Variants in FHIT observed in about 807,000 individuals in gnomAD.
The protein encoded by FHIT is bis(5'-adenosyl)-triphosphatase.
FHIT carries 19 observed loss-of-function variants against 17.9 expected under a neutral mutation model. The observed-to-expected ratio is 1.06, with a 90% confidence interval of 0.74 to 1.56. The LOEUF is 1.56. Among genes scored for constraint, FHIT ranks in the 40% most tolerant of loss-of-function variants. FHIT has a pLI of 0.00. For synonymous variants in FHIT, 81 were observed against 69.7 expected (o/e 1.16, Z -0.81); for missense variants, 248 against 189.2 (o/e 1.31, Z -1.82).
intron 4 of FHIT, among the ~76,000 whole-genome samples, chr3:60,607,436 T>A (rs1022533882): frequency 6.6e-6 from 1 of 151,612 alleles, no homozygotes; most frequent in African/African-American, 2.4e-5. Flanking sequence ...GGATTTATAT[T>A]TCTATCTAGT....
At chr3:59,812,671 C>T (rs1215210859) in intron 8 of FHIT, among the ~76,000 whole-genome samples, 1 of 152,182 alleles carries the variant, frequency 6.6e-6, no homozygotes, top group Non-Finnish European at 1.5e-5. Flanking sequence ...CTTTCCTGTA[C>T]ACTCGACAGG....
intron 2 of FHIT, among the ~76,000 whole-genome samples, chr3:61,163,069 T>C (rs2107102658): frequency 6.6e-6 from 1 of 152,320 alleles, no homozygotes; most frequent in East Asian, 1.9e-4. Flanking sequence ...ACTTCACTTG[T>C]AGGACTGTGC....
At chr3:60,890,051 T>A (rs1262489016) in intron 3 of FHIT, among the ~76,000 whole-genome samples, 8 of 152,084 alleles carry the variant, frequency 5.3e-5, no homozygotes, top group Non-Finnish European at 1.0e-4. Flanking sequence ...GCTTAATACA[T>A]CAGTAAAACT....
chr3:60,308,062 C>T (rs1708764825), intron 5 of FHIT, among the ~76,000 whole-genome samples: 3 of 152,104 alleles, frequency 2.0e-5, no homozygotes, highest in Admixed American at 6.5e-5. Flanking sequence ...AGGAAAACAA[C>T]GGACAGTAAT....
intron 4 of FHIT, among the ~76,000 whole-genome samples, chr3:60,559,964 A>G (rs561170214): frequency 6.6e-6 from 1 of 152,276 alleles, no homozygotes; most frequent in South Asian, 2.1e-4. Flanking sequence ...CTGTTGGGGA[A>G]AGGCCAGAGC....
chr3:60,012,174 C>T (rs1367313039), intron 6 of FHIT, among the ~76,000 whole-genome samples: 1 of 151,574 alleles, frequency 6.6e-6, no homozygotes, highest in Admixed American at 6.6e-5. Context: ...GATTTTCAAA[C>T]TTAGAGTCAC....
At position 60,962,788 on chromosome 3, in the gene FHIT, C is replaced by T. The variant is rs894829690; in HGVS notation, c.-111+79259G>A. Reference sequence around the variant, plus strand: ...ATCCCAGGGATGAAGCCAACTTGATCGTGGTGGATAAGCTTTTTGATGTCC... The same window carrying T: ...ATCCCAGGGATGAAGCCAACTTGATTGTGGTGGATAAGCTTTTTGATGTCC... On this transcript the variant is annotated intron_variant, in intron 3 of 9. Coordinates refer to ENST00000492590, the MANE Select transcript of FHIT (RefSeq NM_002012.4). Among the ~76,000 whole-genome samples, 6 of 152,098 alleles carry T rather than the reference C, an allele frequency of 3.9e-5. 1 individual carries two copies. Among genetic ancestry groups the T allele is most frequent in the South Asian group, 4.1e-4 (2 of 4,830 alleles).
intron 4 of FHIT, among the ~76,000 whole-genome samples, chr3:60,554,099 GA>G (rs1002533800): frequency 4.0e-5 from 6 of 150,788 alleles, no homozygotes; most frequent in African/African-American, 1.5e-4. Context: ...CTCAAAAAAA[GA>G]AAAAAAACGT....
intron 3 of FHIT, among the ~76,000 whole-genome samples, chr3:61,024,804 A>G (rs2032646980): frequency 6.6e-6 from 1 of 152,188 alleles, no homozygotes; most frequent in South Asian, 2.1e-4. Context: ...AAAATATGCT[A>G]AACATTGCTT....
At chr3:59,903,114 T>C (rs1184492135) in intron 8 of FHIT, among the ~76,000 whole-genome samples, 5 of 152,096 alleles carry the variant, frequency 3.3e-5, no homozygotes, top group Admixed American at 6.6e-5. Flanking sequence ...AAAAAAGAAA[T>C]GAAGTGCGGA....
intron 4 of FHIT, among the ~76,000 whole-genome samples, chr3:60,740,273 C>T (rs1395844775): frequency 2.6e-5 from 4 of 152,180 alleles, no homozygotes; most frequent in Non-Finnish European, 5.9e-5. Context: ...TGGAATGAAA[C>T]TGCCTGGTTT....
In FHIT at chr3:60,880,560, C is replaced by T. The variant is rs181550535; in HGVS notation, c.-110-58549G>A. ...CCAGCCTGACTAACATGGAGAAATC[C>T]TGTCTCTACTCAACACACAAAATTA... On this transcript the variant is annotated intron_variant, in intron 3 of 9. Transcript: ENST00000492590. Among the ~76,000 whole-genome samples the T allele has an allele frequency of 2.6e-5, 4 of 152,294 alleles. No individual in the cohort carries two copies. In the East Asian group the frequency reaches 7.7e-4, roughly 29 times the overall value.
intron 5 of FHIT, among the ~76,000 whole-genome samples, chr3:60,303,009 T>C (rs571643557): frequency 2.6e-5 from 4 of 152,288 alleles, no homozygotes; most frequent in African/African-American, 9.6e-5. Flanking sequence ...TGAAAAACCT[T>C]TAATATTTTT....
intron 8 of FHIT, among the ~76,000 whole-genome samples, chr3:59,772,061 C>T (rs1575468713): frequency 6.6e-6 from 1 of 152,200 alleles, no homozygotes; most frequent in East Asian, 1.9e-4. Flanking sequence ...CAACCTTGAC[C>T]AGGACAGTCC....
chr3:61,064,064 C>T (rs955923472), intron 2 of FHIT, among the ~76,000 whole-genome samples: 19 of 152,246 alleles, frequency 1.2e-4, no homozygotes, highest in African/African-American at 4.1e-4. Flanking sequence ...TTACTCTCAG[C>T]ATAAGAGGCT....
intron 8 of FHIT, among the ~76,000 whole-genome samples, chr3:59,825,814 G>C (rs943988879): frequency 5.9e-5 from 9 of 152,146 alleles, no homozygotes; most frequent in Non-Finnish European, 1.3e-4. Context: ...AGCTTTGAAG[G>C]ACAGGCCATC....
chr3:60,292,763 A>G (rs1708044386), intron 5 of FHIT, among the ~76,000 whole-genome samples: 2 of 152,188 alleles, frequency 1.3e-5, no homozygotes, highest in South Asian at 4.1e-4. Flanking sequence ...AAAGCTTTCT[A>G]TGAAGAAAAA....
chr3:60,494,034 C>T lies in FHIT; in HGVS notation c.103+42826G>A, dbSNP rs138195965. On this transcript the variant is annotated intron_variant, in intron 5 of 9. Transcript: ENST00000492590. ...TGTCCATTAATAAATGACATATACT[C>T]AAATACATAAAGTTGTAATAACATT... 2.6e-3 allele frequency among the ~76,000 whole-genome samples: 397 copies of T among 152,268 alleles called. 1 individual carries two copies. The highest frequency in any genetic ancestry group is 9.3e-3 in the African/African-American group (388 of 41,574).
At chr3:59,751,232 TTCTC>T (rs10577548) in intron 9 of FHIT, 86,709 of 176,118 alleles carry the variant, frequency 0.49, 22,093 homozygotes, top group East Asian at 0.66. Flanking sequence ...ATAGATACAT[TTCTC>T]TCTCTCTCTC....
Sources: allele counts gnomAD v4.1 joint callset (sites outside exome capture counted in the v4.1 genomes callset), GRCh38; gene constraint gnomAD v4.1.1; transcripts MANE v1.5; gene names NCBI Gene and HGNC (gene_info 2026-07-23, HGNC 2026-07-21).